Variants in ENPP6 observed in about 807,000 individuals in gnomAD.
ENPP6 encodes glycerophosphocholine cholinephosphodiesterase ENPP6.
In ENPP6, 32 loss-of-function variants were observed where a neutral mutation model predicts 42.0. That is an observed-to-expected ratio of 0.76 (90% CI 0.58 to 1.02). The LOEUF (loss-of-function observed/expected upper bound fraction) is 1.02. Among genes scored for constraint, ENPP6 ranks in the 50% least tolerant of loss-of-function variants. The pLI is 0.00. For missense variants in ENPP6, 552 were observed against 566.8 expected, an observed-to-expected ratio of 0.97 and a Z score of 0.27; for synonymous variants, 213 against 216.0, an observed-to-expected ratio of 0.99 and a Z score of 0.12.
At chr4:184,181,880 A>C (rs1301683035) in intron 1 of ENPP6, among the ~76,000 whole-genome samples, 1 of 152,214 alleles carries the variant, frequency 6.6e-6, no homozygotes, top group Non-Finnish European at 1.5e-5. Context: ...TAAAGACTTA[A>C]ATGTAAAACC....
Position 184,101,304 on chromosome 4 carries a change from T to TTGTG in ENPP6, c.994-3940_994-3937dup, listed in dbSNP as rs56174532. Among the ~76,000 whole-genome samples the TTGTG allele has an allele frequency of 2.8e-4, 39 of 137,178 alleles. 1 individual carries two copies. Among genetic ancestry groups the TTGTG allele is most frequent in the African/African-American group, 8.5e-4 (31 of 36,488 alleles). The allele number at this position is 137,178 out of a possible 152,430, so 90.0% of individuals were successfully genotyped here. A position where few individuals can be genotyped will look rare whatever the true frequency, so the allele number is the denominator to read the frequency against. ...TGTGTTAATGTTTATGTGTGTGAGC[T>TTGTG]TGTGTGTGTGTGTGTGTGTGTGTGT... is the stretch of plus-strand genomic sequence containing the variant. On this transcript the variant is annotated intron_variant, in intron 6 of 7. Coordinates refer to ENST00000296741, the MANE Select transcript of ENPP6 (RefSeq NM_153343.4).
rs949373375 is a variant in ENPP6, at chr4:184,182,124, TA to T, written c.242-28392del. ...GCAATCTATCCATCAGACAAAGATC[TA>T]ATATCCAGAATCTACAAGGAACTTA... is the stretch of plus-strand genomic sequence containing the variant. On this transcript the variant is annotated intron_variant, in intron 1 of 7. Coordinates refer to ENST00000296741, the MANE Select transcript of ENPP6 (RefSeq NM_153343.4). Among the ~76,000 whole-genome samples the T allele has an allele frequency of 2.8e-4, 43 of 151,220 alleles. No individual in the cohort carries two copies. The Middle Eastern group carries it at 0.01, about 36-fold the overall frequency.
chr4:184,117,449 G>A (rs1325511933), intron 4 of ENPP6, among the ~76,000 whole-genome samples: 1 of 152,228 alleles, frequency 6.6e-6, no homozygotes, highest in Non-Finnish European at 1.5e-5. Context: ...GGTAGAATCA[G>A]GACTGGAACC....
intron 1 of ENPP6, among the ~76,000 whole-genome samples, chr4:184,212,722 G>T (rs890497734): frequency 1.3e-5 from 2 of 151,714 alleles, no homozygotes; most frequent in Non-Finnish European, 2.9e-5. Context: ...TTTCTTCACA[G>T]AATTGGAAAA....
chr4:184,150,703 C>T (rs1383523988), intron 2 of ENPP6, among the ~76,000 whole-genome samples: 1 of 152,222 alleles, frequency 6.6e-6, no homozygotes, highest in Non-Finnish European at 1.5e-5. Flanking sequence ...TTTGAGTATC[C>T]AGTTTAGAAG....
In ENPP6 at chr4:184,124,198, A is replaced by G. The variant is rs1487122343; in HGVS notation, c.496T>C (p.Phe166Leu). ...AGAGCATCGCTGACTGCATTGGCAA[A>G]ATTGATATCCGTTGGGACATTTTTA... ...EYKNVPTDIN[F>L]ANAVSDALDS... Residue 166 changes from phenylalanine (F) to leucine (L), a missense_variant, in exon 3 of 8, where the codon TTT becomes CTT. Around this residue, in one of 2 missense-constraint regions of ENPP6, gnomAD observed 545 missense variants for 546.3 expected, o/e 1.00. Coordinates refer to ENST00000296741, the MANE Select transcript of ENPP6 (RefSeq NM_153343.4). 9 of 1,613,940 alleles carry G rather than the reference A, an allele frequency of 5.6e-6. No homozygotes were observed. In the East Asian group the frequency reaches 2.0e-4, roughly 36 times the overall value.
chr4:184,112,831 A>G, intron 5 of ENPP6, 22 bp from the exon 6 acceptor site: 1 of 1,610,652 alleles, frequency 6.2e-7, no homozygotes, highest in Non-Finnish European at 8.5e-7. Flanking sequence ...ATCAAGAGTG[A>G]TCAGTTTGAC....
chr4:184,144,415 C>T (rs966696352), intron 2 of ENPP6, among the ~76,000 whole-genome samples: 17 of 152,240 alleles, frequency 1.1e-4, no homozygotes, highest in East Asian at 1.9e-4. Flanking sequence ...GCAGGCGGGA[C>T]GGGACAGACA....
chr4:184,183,589 T>C (rs1465001276), intron 1 of ENPP6, among the ~76,000 whole-genome samples: 1 of 152,320 alleles, frequency 6.6e-6, no homozygotes, highest in South Asian at 2.1e-4. Context: ...GTCAGTGGTG[T>C]TCCTTCTTTC....
chr4:184,110,082 C>T (rs376804333), intron 6 of ENPP6, among the ~76,000 whole-genome samples: 1 of 152,214 alleles, frequency 6.6e-6, no homozygotes, highest in Admixed American at 6.5e-5. Context: ...GGAAGGAGGA[C>T]GTGTCCTCAG....
In ENPP6 at chr4:184,159,115, T is replaced by C. The variant is rs1363712328; in HGVS notation, c.242-5382A>G. Among the ~76,000 whole-genome samples the C allele has an allele frequency of 2.0e-5, 3 of 152,336 alleles. No individual in the cohort carries two copies. In the East Asian group the frequency reaches 5.8e-4, roughly 29 times the overall value. On this transcript the variant is annotated intron_variant, in intron 1 of 7. Coordinates refer to ENST00000296741, the MANE Select transcript of ENPP6 (RefSeq NM_153343.4). ...CCAAAGCTTAGCTGAATAAATTGCA[T>C]TATCTCCGATTGTATCATCAATAAC...
At chr4:184,118,322 A>G (rs1363809595) in intron 3 of ENPP6, among the ~76,000 whole-genome samples, 1 of 152,162 alleles carries the variant, frequency 6.6e-6, no homozygotes, top group Non-Finnish European at 1.5e-5. Context: ...CTCAGTGGTG[A>G]CTTACTATAG....
intron 2 of ENPP6, among the ~76,000 whole-genome samples, chr4:184,125,042 T>C (rs1031759105): frequency 1.3e-5 from 2 of 152,222 alleles, no homozygotes; most frequent in African/African-American, 2.4e-5. Flanking sequence ...CGAGTCACTA[T>C]GTTCAGACGT....
Position 184,101,304 on chromosome 4 carries a change from T to TTG in ENPP6, c.994-3938_994-3937dup, listed in dbSNP as rs56174532. ...TGTGTTAATGTTTATGTGTGTGAGC[T>TTG]TGTGTGTGTGTGTGTGTGTGTGTGT... On this transcript the variant is annotated intron_variant, in intron 6 of 7. Transcript: ENST00000296741. 5.5e-3 allele frequency among the ~76,000 whole-genome samples: 753 copies of TTG among 137,094 alleles called. 8 individuals carry two copies. Among genetic ancestry groups the TTG allele is most frequent in the African/African-American group, 0.019 (697 of 36,408 alleles). The allele number at this position is 137,094 out of a possible 152,430, so 89.9% of individuals were successfully genotyped here. A position where few individuals can be genotyped will look rare whatever the true frequency, so the allele number is the denominator to read the frequency against.
intron 1 of ENPP6, among the ~76,000 whole-genome samples, chr4:184,206,552 G>A (rs1028094557): frequency 3.9e-5 from 6 of 152,024 alleles, no homozygotes; most frequent in African/African-American, 1.2e-4. Context: ...CACCGCGCCC[G>A]GCCAGGAAGC....
intron 1 of ENPP6, among the ~76,000 whole-genome samples, chr4:184,189,907 G>A (rs561209401): frequency 1.3e-5 from 2 of 152,330 alleles, no homozygotes; most frequent in South Asian, 4.1e-4. Context: ...AAGGGAACTC[G>A]TGTGAGGAGA....
At chr4:184,110,363 C>T (rs1034873143) in intron 6 of ENPP6, among the ~76,000 whole-genome samples, 20 of 152,124 alleles carry the variant, frequency 1.3e-4, no homozygotes, top group African/African-American at 4.6e-4. Context: ...GAGGGGAAGC[C>T]GCTAGTGGGT....
chr4:184,204,451 C>A (rs1418236437), intron 1 of ENPP6, among the ~76,000 whole-genome samples: 1 of 152,200 alleles, frequency 6.6e-6, no homozygotes, highest in Non-Finnish European at 1.5e-5. Flanking sequence ...CCAGACCACT[C>A]GCACCTAGGC....
chr4:184,151,605 T>C (rs1231920552), intron 2 of ENPP6, among the ~76,000 whole-genome samples: 1 of 152,216 alleles, frequency 6.6e-6, no homozygotes, highest in Non-Finnish European at 1.5e-5. Context: ...CCAGTTATCA[T>C]GGAAGATAAT....
Sources: allele counts gnomAD v4.1 joint callset (sites outside exome capture counted in the v4.1 genomes callset), GRCh38; gene constraint gnomAD v4.1.1; regional missense constraint gnomAD v4.1.1; transcripts MANE v1.5; gene names NCBI Gene and HGNC (gene_info 2026-07-23, HGNC 2026-07-21).